RBFOX1: variants seen among roughly 807,000 people sequenced by gnomAD.
RBFOX1 encodes the protein RNA binding fox-1 homolog 1.
Under a neutral mutation model 57.7 loss-of-function variants are expected in RBFOX1, and 8 were observed. The ratio of observed to expected loss-of-function variants is 0.14; its 90% CI spans 0.08 to 0.25. The LOEUF (loss-of-function observed/expected upper bound fraction) is 0.25, where lower values mean the gene tolerates loss of function less well. Among genes scored for constraint, RBFOX1 ranks in the 10% least tolerant of loss-of-function variants. The probability of loss-of-function intolerance (pLI) is 1.00; values close to 1 mark genes in which losing one functional copy is unlikely to be tolerated. For synonymous variants in RBFOX1, 326 were observed against 222.4 expected, an observed-to-expected ratio of 1.47 and a Z score of -4.15; for missense variants, 611 against 548.5, an observed-to-expected ratio of 1.11 and a Z score of -1.14.
rs568262514 is a variant in RBFOX1 at position 6,256,469 on chromosome 16, T to C, written c.-126-60526T>C. Among the ~76,000 whole-genome samples the C allele has an allele frequency of 1.5e-4, 22 of 151,302 alleles. No individual in the cohort carries two copies. In the South Asian group the frequency reaches 4.4e-3, roughly 30 times the overall value. ...CATCCTTGGAGCCCTGGGACAGAGA[T>C]GTGAATCAGAGAAGTTGATGAGACC... On this transcript the variant is annotated intron_variant, in intron 1 of 15. Transcript: ENST00000550418.
rs1042893246 is a variant in RBFOX1 at position 7,695,236 on chromosome 16, C to T, written c.996-13820C>T. On this transcript the variant is annotated intron_variant, in intron 14 of 15. Coordinates refer to ENST00000550418, the MANE Select transcript of RBFOX1 (RefSeq NM_018723.4). ...TTTGAACTCTGAATTTTGAATGAAG[C>T]ATGAAAAAGGAGACACCCATATCCA... 1.3e-5 allele frequency among the ~76,000 whole-genome samples: 2 copies of T among 152,090 alleles called. 1 individual carries two copies. Among genetic ancestry groups the T allele is most frequent in the African/African-American group, 4.8e-5 (2 of 41,400 alleles).
intron 4 of RBFOX1, among the ~76,000 whole-genome samples, chr16:6,006,966 C>T (rs1357764479): frequency 1.3e-5 from 2 of 152,152 alleles, no homozygotes; most frequent in African/African-American, 2.4e-5. Context: ...TTATATCTCA[C>T]TGGAACCAAG....
intron 1 of RBFOX1, among the ~76,000 whole-genome samples, chr16:5,283,132 G>A (rs2063311934): frequency 6.6e-6 from 1 of 152,230 alleles, no homozygotes; most frequent in South Asian, 2.1e-4. Context: ...CTTTCACATA[G>A]TGTTGAGCCT....
intron 3 of RBFOX1, among the ~76,000 whole-genome samples, chr16:6,885,978 C>T (rs923113213): frequency 6.6e-6 from 1 of 151,998 alleles, no homozygotes; most frequent in Non-Finnish European, 1.5e-5. Flanking sequence ...AATCACAAAC[C>T]ACATGGACTT....
chr16:7,182,332 A>G (rs1320504567), intron 4 of RBFOX1, among the ~76,000 whole-genome samples: 1 of 152,128 alleles, frequency 6.6e-6, no homozygotes, highest in Non-Finnish European at 1.5e-5. Flanking sequence ...AAAAAAGACC[A>G]AAAAGTAAAA....
At chr16:5,724,177 G>A (rs1025666927) in intron 3 of RBFOX1, among the ~76,000 whole-genome samples, 2 of 152,114 alleles carry the variant, frequency 1.3e-5, no homozygotes, top group Admixed American at 1.3e-4. Flanking sequence ...GTTTTTTCCT[G>A]AGTGGCAAGA....
intron 3 of RBFOX1, among the ~76,000 whole-genome samples, chr16:6,843,710 A>T (rs1479960673): frequency 6.6e-6 from 1 of 152,098 alleles, no homozygotes; most frequent in Non-Finnish European, 1.5e-5. Flanking sequence ...GTAAAATTAT[A>T]AAAAAGCTTT....
At chr16:7,403,994 G>T (rs1438176112) in intron 4 of RBFOX1, among the ~76,000 whole-genome samples, 1 of 146,052 alleles carries the variant, frequency 6.8e-6, no homozygotes, top group Non-Finnish European at 1.5e-5. Context: ...ATATGCCGCA[G>T]TGAACATGGG....
At chr16:6,209,300 A>G (rs924006563) in intron 1 of RBFOX1, among the ~76,000 whole-genome samples, 2 of 152,192 alleles carry the variant, frequency 1.3e-5, no homozygotes, top group Non-Finnish European at 2.9e-5. Flanking sequence ...TGTCTTTAGC[A>G]GTTGGGGTTA....
chr16:7,201,184 A>G (rs2088308296), intron 4 of RBFOX1, among the ~76,000 whole-genome samples: 1 of 152,208 alleles, frequency 6.6e-6, no homozygotes, highest in South Asian at 2.1e-4. Flanking sequence ...CTCTGAGGTT[A>G]AAACAAAGTC....
chr16:6,955,936 C>G (rs1467473439), intron 3 of RBFOX1, among the ~76,000 whole-genome samples: 1 of 150,392 alleles, frequency 6.6e-6, no homozygotes, highest in Non-Finnish European at 1.5e-5. Flanking sequence ...AAACTCCTGT[C>G]CGCAGGTGAT....
At chr16:5,442,462 C>T (rs559557157) in intron 1 of RBFOX1, among the ~76,000 whole-genome samples, 10 of 152,158 alleles carry the variant, frequency 6.6e-5, no homozygotes, top group Non-Finnish European at 1.5e-4. Flanking sequence ...GCACAGGGTG[C>T]TGAGTGGAGG....
chr16:7,394,933 A>C (rs1427750610), intron 4 of RBFOX1, among the ~76,000 whole-genome samples: 1 of 152,158 alleles, frequency 6.6e-6, no homozygotes, highest in Non-Finnish European at 1.5e-5. Context: ...TAAGGCTGTT[A>C]TGCACGCATG....
intron 14 of RBFOX1, among the ~76,000 whole-genome samples, chr16:7,695,840 C>T (rs751418801): frequency 6.6e-6 from 1 of 151,984 alleles, no homozygotes; most frequent in South Asian, 2.1e-4. Flanking sequence ...AAAAAATCAA[C>T]ATGCTTAAAA....
At chr16:6,844,671 G>T (rs1403301579) in intron 3 of RBFOX1, among the ~76,000 whole-genome samples, 1 of 152,038 alleles carries the variant, frequency 6.6e-6, no homozygotes, top group Non-Finnish European at 1.5e-5. Flanking sequence ...CTTTATAAAA[G>T]AATGATTTCT....
chr16:6,653,095 C>T (rs1025154265), intron 2 of RBFOX1, among the ~76,000 whole-genome samples: 3 of 152,128 alleles, frequency 2.0e-5, no homozygotes, highest in Non-Finnish European at 2.9e-5. Context: ...TGAACTTGCT[C>T]TTCGTTTGCC....
At chr16:5,371,758 C>T (rs187692547) in intron 1 of RBFOX1, among the ~76,000 whole-genome samples, 5 of 152,314 alleles carry the variant, frequency 3.3e-5, no homozygotes, top group African/African-American at 7.2e-5. Context: ...GAGATGGTCC[C>T]TGGGCTGCAC....
chr16:5,651,011 C>T (rs1020469057), intron 3 of RBFOX1, among the ~76,000 whole-genome samples: 1 of 144,726 alleles, frequency 6.9e-6, no homozygotes, highest in Non-Finnish European at 1.5e-5. Flanking sequence ...CCTTTCTCTT[C>T]CCTTCCTCTG....
chr16:5,418,838 C>A (rs1373819476), intron 1 of RBFOX1, among the ~76,000 whole-genome samples: 1 of 152,208 alleles, frequency 6.6e-6, no homozygotes, highest in Non-Finnish European at 1.5e-5. Context: ...AAGACTCAGA[C>A]TTTGTCCTTG....
Sources: gnomAD v4.1 joint callset for allele counts (sites outside exome capture counted in the v4.1 genomes callset) on GRCh38, gnomAD v4.1.1 for gene constraint, MANE v1.5 for transcripts, NCBI Gene and HGNC (gene_info 2026-07-23, HGNC 2026-07-21) for gene names.